The following MIA2 variants were observed in gnomAD, a reference collection of about 807,000 sequenced individuals.
The protein encoded by MIA2 is MIA SH3 domain ER export factor 2.
Under a neutral mutation model 167.8 loss-of-function variants are expected in MIA2, and 127 were observed. The observed-to-expected ratio is 0.76, with a 90% confidence interval of 0.66 to 0.88. The LOEUF (loss-of-function observed/expected upper bound fraction) is 0.88. MIA2 is among the 40% of genes least tolerant of loss of function. The pLI, the probability that MIA2 is intolerant of heterozygous loss-of-function variation, is 0.00. For missense variants in MIA2, 1,690 were observed against 1,624.7 expected, an observed-to-expected ratio of 1.04 and a Z score of -0.69; for synonymous variants, 552 against 541.9, an observed-to-expected ratio of 1.02 and a Z score of -0.26.
intron 11 of MIA2, 83 bp downstream of exon 11, chr14:39,293,464 T>G: frequency 1.0e-6 from 1 of 956,188 alleles, no homozygotes; most frequent in South Asian, 1.7e-5. Context: ...GGTTAAAGTA[T>G]TACATTATTG....
intron 6 of MIA2, among the ~76,000 whole-genome samples, chr14:39,261,108 T>A (rs2055083811): frequency 6.6e-6 from 1 of 152,114 alleles, no homozygotes. Context: ...TCATTTACAT[T>A]AGGTATATCT....
rs553984854 is a variant in MIA2, at chr14:39,314,456, AC to A, written c.3120-282del. Among the ~76,000 whole-genome samples the A allele has an allele frequency of 7.2e-5, 11 of 152,062 alleles. No homozygotes were observed. In the South Asian group the frequency reaches 1.7e-3, roughly 23 times the overall value. Reference sequence around the variant, plus strand: ...CATTCTTCTTAAAAATAAAAAAAAAACAACACAATATACCACGTAAATATTT... The same window carrying A: ...CATTCTTCTTAAAAATAAAAAAAAAAAACACAATATACCACGTAAATATTT... On this transcript the variant is annotated intron_variant, in intron 19 of 28. Coordinates refer to ENST00000640607, the MANE Select transcript of MIA2 (RefSeq NM_001329214.4).
At position 39,248,750 on chromosome 14, in the gene MIA2, T is replaced by C. The variant is rs148816161; in HGVS notation, c.1567+609T>C. ...AAACCTAAGCTAAGGGAAACTTTTT[T>C]TTTTTTCCAGACAGGGTCTCACTTT... On this transcript the variant is annotated intron_variant, in intron 4 of 28. Transcript: ENST00000640607. Among the ~76,000 whole-genome samples, 1,034 of 152,276 alleles carry C rather than the reference T, an allele frequency of 6.8e-3. 12 individuals carry two copies. The highest frequency in any genetic ancestry group is 0.052 in the South Asian group (252 of 4,824).
intron 24 of MIA2, 39 bp downstream of exon 24, chr14:39,321,095 C>T (rs202070304): frequency 4.5e-6 from 7 of 1,566,040 alleles, no homozygotes; most frequent in Non-Finnish European, 5.2e-6. Flanking sequence ...TAGATTTCTT[C>T]CTTACTTTAT....
rs773529136 is a variant in MIA2, at chr14:39,234,125, T to C, written c.11T>C (p.Phe4Ser). Reference sequence around the variant, plus strand: ...GTTGCTTGTTTTAGCATGGCAAAATTTGGCGTTCACAGAATCCTTCTTCTG... The same window carrying C: ...GTTGCTTGTTTTAGCATGGCAAAATCTGGCGTTCACAGAATCCTTCTTCTG... MAK[F>S]GVHRILLLAI... Residue 4 changes from phenylalanine to serine, a missense_variant, in exon 1 of 29, where the codon TTT (phenylalanine) becomes TCT (serine). Transcript: ENST00000640607. The C allele has an allele frequency of 3.7e-6, 6 of 1,602,486 alleles. No homozygotes were observed. The African/African-American group carries it at 5.4e-5, about 14-fold the overall frequency.
chr14:39,360,307 A>G (rs1434388806), intron 23 of MIA2, among the ~76,000 whole-genome samples: 1 of 152,210 alleles, frequency 6.6e-6, no homozygotes, highest in Non-Finnish European at 1.5e-5. Context: ...AAAGAAAGCC[A>G]TTCTAACTGT....
intron 13 of MIA2, among the ~76,000 whole-genome samples, chr14:39,299,395 C>T (rs1489645746): frequency 7.0e-6 from 1 of 143,406 alleles, no homozygotes; most frequent in Non-Finnish European, 1.5e-5. Flanking sequence ...GCAACCTCTG[C>T]CTCCTGGGTT....
At chr14:39,279,591 C>T (rs2058640068) in intron 9 of MIA2, 54 bp downstream of exon 9, 7 of 1,142,054 alleles carry the variant, frequency 6.1e-6, no homozygotes, top group Non-Finnish European at 9.0e-6. Flanking sequence ...CTTTATACTT[C>T]TCACTGTAGG....
chr14:39,279,901 C>A (rs1020754135), intron 9 of MIA2, among the ~76,000 whole-genome samples: 15 of 152,114 alleles, frequency 9.9e-5, no homozygotes, highest in African/African-American at 3.4e-4. Flanking sequence ...TTATTTTGAC[C>A]ACCTCCAAAG....
intron 1 of MIA2, among the ~76,000 whole-genome samples, chr14:39,235,523 A>G (rs1428642475): frequency 6.6e-6 from 1 of 152,078 alleles, no homozygotes; most frequent in Non-Finnish European, 1.5e-5. Flanking sequence ...TGCACCTGTA[A>G]TCCCAGCACT....
intron 25 of MIA2, among the ~76,000 whole-genome samples, chr14:39,330,051 C>G (rs921005410): frequency 6.6e-6 from 1 of 152,156 alleles, no homozygotes; most frequent in Non-Finnish European, 1.5e-5. Context: ...ATGGTACCAG[C>G]TCCTCCTTGT....
In MIA2 at chr14:39,247,261, G is replaced by T. The variant is rs753957098; in HGVS notation, c.687G>T (p.Leu229Phe). The part of the protein sequence containing the change: ...AVSGVKEWFG[L>F]GGEQAEEKAF... ...CTGGAGTCAAAGAATGGTTTGGATT[G>T]GGAGGAGAACAAGCTGAAGAGAAGG... is the stretch of plus-strand genomic sequence containing the variant. Residue 229 changes from leucine (L) to phenylalanine (F), a missense_variant, in exon 4 of 29, where the codon TTG (leucine) becomes TTT (phenylalanine). Coordinates refer to ENST00000640607, the MANE Select transcript of MIA2 (RefSeq NM_001329214.4). The T allele has an allele frequency of 3.1e-6, 5 of 1,613,898 alleles. No individual in the cohort carries two copies. In the Admixed American group the frequency reaches 6.7e-5, roughly 22 times the overall value.
At chr14:39,298,410 G>GTTTT (rs1264299599) in intron 13 of MIA2, among the ~76,000 whole-genome samples, 3 of 33,196 alleles carry the variant, frequency 9.0e-5, no homozygotes, top group African/African-American at 2.4e-4. Flanking sequence ...ATCTGATTCT[G>GTTTT]TTTTATATAT....
intron 6 of MIA2, among the ~76,000 whole-genome samples, chr14:39,270,200 GTTTTT>G (rs35675093): frequency 4.5e-5 from 4 of 88,054 alleles, no homozygotes; most frequent in Non-Finnish European, 9.2e-5. Flanking sequence ...CTCTGTTGTG[GTTTTT>G]TTTTTTTTTT....
At position 39,319,310 on chromosome 14, in the gene MIA2, C is replaced by T. The variant is rs192431843; in HGVS notation, c.3367+19C>T. 2,275 of 1,323,688 alleles carry T rather than the reference C, an allele frequency of 1.7e-3. 7 individuals are homozygous for T. Among genetic ancestry groups the T allele is most frequent in the Middle Eastern group, 2.8e-3 (10 of 3,606 alleles). The allele number at this position is 1,323,688 out of a possible 1,614,324, so 82.0% of individuals were successfully genotyped here. On this transcript the variant is annotated intron_variant, in intron 23 of 28. Transcript: ENST00000640607. ...GGCAGAGGTAGTCTTTTTTTTTTTACCCCTCATTTAAAATACATATTTTAC... is the reference window on the plus strand; with the variant it reads ...GGCAGAGGTAGTCTTTTTTTTTTTATCCCTCATTTAAAATACATATTTTAC...
At chr14:39,319,644 T>A (rs1402647351) in intron 23 of MIA2, among the ~76,000 whole-genome samples, 1 of 152,066 alleles carries the variant, frequency 6.6e-6, no homozygotes, top group African/African-American at 2.4e-5. Context: ...TGGACTAGCA[T>A]TGTGACTGTT....
At chr14:39,295,241 A>G (rs541547178) in intron 13 of MIA2, among the ~76,000 whole-genome samples, 5 of 152,288 alleles carry the variant, frequency 3.3e-5, no homozygotes, top group South Asian at 4.1e-4. Flanking sequence ...GGGCAGGGAA[A>G]GTAAGCCAGG....
At chr14:39,346,074 C>T (rs1320185462) in intron 26 of MIA2, 48 bp downstream of exon 26, 1 of 1,531,510 alleles carries the variant, frequency 6.5e-7, no homozygotes, top group Non-Finnish European at 9.0e-7. Context: ...TGGTGGCACA[C>T]TAAAGAACTG....
At chr14:39,304,267 T>C in intron 16 of MIA2, 24 bp from the exon 17 acceptor site, 1 of 1,175,296 alleles carries the variant, frequency 8.5e-7, no homozygotes, top group Non-Finnish European at 1.2e-6. Context: ...AATGTTACTT[T>C]TTTCCTTCTT....
Sources: allele counts gnomAD v4.1 joint callset (sites outside exome capture counted in the v4.1 genomes callset), GRCh38; gene constraint gnomAD v4.1.1; transcripts MANE v1.5; gene names NCBI Gene and HGNC (gene_info 2026-07-23, HGNC 2026-07-21).